ZNF442: variants seen among roughly 807,000 people sequenced by gnomAD.
ZNF442 encodes zinc finger protein 442.
Under a neutral mutation model 57.0 loss-of-function variants are expected in ZNF442, and 45 were observed. The ratio of observed to expected loss-of-function variants is 0.79; its 90% CI spans 0.62 to 1.01. The LOEUF is 1.01. Among genes scored for constraint, ZNF442 ranks in the 50% least tolerant of loss-of-function variants. The pLI is 0.00. For missense variants in ZNF442, 690 were observed against 756.5 expected (o/e 0.91, Z 1.03); for synonymous variants, 213 against 241.8 (o/e 0.88, Z 1.10).
rs1263601924 is a variant in ZNF442 at position 12,362,639 on chromosome 19, G to A, written c.78+915C>T. 1.2e-4 allele frequency among the ~76,000 whole-genome samples: 17 copies of A among 145,526 alleles called. No individual in the cohort carries two copies. The South Asian group carries it at 1.3e-3, about 12-fold the overall frequency. On this transcript the variant is annotated intron_variant, in intron 3 of 5. Coordinates refer to ENST00000242804, the MANE Select transcript of ZNF442 (RefSeq NM_030824.3). ...CCGCCCCCTCCGGGAGGTGGGGGGC[G>A]CCTCTGCCCGGCCGCCCCGTCTGGG...
chr19:12,358,548 C>T (rs1969374000), intron 3 of ZNF442, among the ~76,000 whole-genome samples: 1 of 152,106 alleles, frequency 6.6e-6, no homozygotes, highest in South Asian at 2.1e-4. Context: ...TGGATAGATA[C>T]CCAGTAGCAT....
At chr19:12,372,183 G>T in the ZNF442 span, among the ~76,000 whole-genome samples, 1 of 152,162 alleles carries the variant, frequency 6.6e-6, no homozygotes, top group East Asian at 1.9e-4. Flanking sequence ...GAGGCCGGGG[G>T]TGGAGGCTCA....
upstream of ZNF442, among the ~76,000 whole-genome samples, chr19:12,367,669 T>TTA (rs1969549280): frequency 6.6e-6 from 1 of 150,500 alleles, no homozygotes; most frequent in African/African-American, 2.5e-5. Context: ...ATTATTATTA[T>TTA]TATATATATT....
chr19:12,350,909 T>C lies in ZNF442; in HGVS notation c.676A>G (p.Met226Val). The part of the protein sequence containing the change: ...KAFFWPSLFR[M>V]HERTHTGEKP... ...TCTCCAGTGTGAGTTCTTTCATGCA[T>C]ACGAAATAAACTAGGCCAAAAAAAG... Residue 226 changes from methionine to valine, a missense_variant, in exon 6 of 6, where the codon ATG (methionine) becomes GTG (valine). Transcript: ENST00000242804. The C allele has an allele frequency of 6.2e-7, 1 of 1,614,196 alleles. No individual in the cohort carries two copies. The highest frequency in any genetic ancestry group is 1.1e-5 in the South Asian group (1 of 91,088).
intron 4 of ZNF442, 111 bp from the exon 5 acceptor site, chr19:12,352,181 G>C: frequency 9.8e-7 from 1 of 1,021,108 alleles, no homozygotes; most frequent in Non-Finnish European, 1.4e-6. Flanking sequence ...AATTGTAGCT[G>C]ACTCTTGAAC....
chr19:12,363,712 G>C (rs79044912), intron 2 of ZNF442, 41 bp from the exon 3 acceptor site: 775 of 1,301,840 alleles, frequency 6.0e-4, no homozygotes, highest in Non-Finnish European at 8.2e-4. Context: ...CCAAGGGTTA[G>C]CTTTTTATAG....
chr19:12,349,786 T>C lies in ZNF442; in HGVS notation c.1799A>G (p.His600Arg), dbSNP rs147003075. The C allele has an allele frequency of 1.5e-3, 2,424 of 1,614,152 alleles. 7 individuals are homozygous for C. Among genetic ancestry groups the C allele is most frequent in the Non-Finnish European group, 1.8e-3 (2,084 of 1,180,004 alleles). ...HEKTHTGEKM[H>R]ECKECGKALS... ...TGCCTTCCCACATTCCTTACATTCA[T>C]GCATCTTCTCTCCAGTGTGAGTTTT... Residue 600 changes from histidine to arginine, a missense_variant, in exon 6 of 6, where the codon CAT becomes CGT. Coordinates refer to ENST00000242804, the MANE Select transcript of ZNF442 (RefSeq NM_030824.3).
the ZNF442 span, among the ~76,000 whole-genome samples, chr19:12,372,976 G>A: frequency 6.6e-6 from 1 of 152,184 alleles, no homozygotes; most frequent in East Asian, 1.9e-4. Context: ...GTTTCACCAT[G>A]TTGGCCAGGA....
the ZNF442 span, among the ~76,000 whole-genome samples, chr19:12,373,445 G>A: frequency 6.6e-6 from 1 of 152,216 alleles, no homozygotes; most frequent in Non-Finnish European, 1.5e-5. Flanking sequence ...GGGAGGCTGA[G>A]GTGGGAGGAT....
At chr19:12,359,776 G>A (rs1259193787) in intron 3 of ZNF442, among the ~76,000 whole-genome samples, 4 of 151,914 alleles carry the variant, frequency 2.6e-5, no homozygotes, top group Admixed American at 6.6e-5. Flanking sequence ...TCAGGATATC[G>A]AGACCATCCT....
Position 12,355,681 on chromosome 19 carries a change from A to ATAAAGGCCGG in ZNF442, c.79-2577_79-2568dup, listed in dbSNP as rs147992010. ...GCCGAGGATTTTCTTAAGTAAGAAA[A>ATAAAGGCCGG]TAAAGGCCGGGCACGGTGGCTCACA... On this transcript the variant is annotated intron_variant, in intron 3 of 5. Coordinates refer to ENST00000242804, the MANE Select transcript of ZNF442 (RefSeq NM_030824.3). Among the ~76,000 whole-genome samples the ATAAAGGCCGG allele has an allele frequency of 9.8e-3, 1,476 of 151,014 alleles. 11 individuals carry two copies. Among genetic ancestry groups the ATAAAGGCCGG allele is most frequent in the Middle Eastern group, 0.021 (6 of 292 alleles).
At chr19:12,353,239 C>A (rs1969274236) in intron 3 of ZNF442, 125 bp from the exon 4 acceptor site, 3 of 1,022,460 alleles carry the variant, frequency 2.9e-6, no homozygotes, top group South Asian at 2.1e-5. Context: ...GTAAATCCAC[C>A]CTTATTCTCT....
chr19:12,357,197 T>C (rs78449643), intron 3 of ZNF442, among the ~76,000 whole-genome samples: 7,336 of 152,200 alleles, frequency 0.048, 589 homozygotes, highest in African/African-American at 0.17. Context: ...TTCCAATTTG[T>C]TTATTTTCTT....
upstream of ZNF442, among the ~76,000 whole-genome samples, chr19:12,369,688 G>A (rs1017235982): frequency 6.6e-6 from 1 of 151,958 alleles, no homozygotes; most frequent in African/African-American, 2.4e-5. Flanking sequence ...ACGAGGTCAG[G>A]AGATCGAGAC....
the ZNF442 span, among the ~76,000 whole-genome samples, chr19:12,371,073 TA>T: frequency 6.6e-6 from 1 of 151,968 alleles, no homozygotes; most frequent in Non-Finnish European, 1.5e-5. Context: ...ACTGGCCCAG[TA>T]ACAAAAGTAC....
At chr19:12,369,522 G>A (rs1287420222), upstream of ZNF442, among the ~76,000 whole-genome samples, 5 of 152,066 alleles carry the variant, frequency 3.3e-5, no homozygotes, top group African/African-American at 1.2e-4. Context: ...GGAGGCTGAG[G>A]CAAGAGAATC....
In ZNF442 at chr19:12,349,792, T is replaced by C; in HGVS notation, c.1793A>G (p.Lys598Arg). The change falls in exon 6 of 6, where the codon AAG (lysine) becomes AGG (arginine). Residue 598 changes from lysine to arginine, a missense_variant. Lys to Arg is a conservative substitution (Grantham distance 26). Coordinates refer to ENST00000242804, the MANE Select transcript of ZNF442 (RefSeq NM_030824.3). ...RGHEKTHTGE[K>R]MHECKECGKA... Reference sequence around the variant, plus strand: ...CCCACATTCCTTACATTCATGCATCTTCTCTCCAGTGTGAGTTTTTTCATG... The same window carrying C: ...CCCACATTCCTTACATTCATGCATCCTCTCTCCAGTGTGAGTTTTTTCATG... 6.2e-7 allele frequency: 1 copy of C among 1,614,210 alleles called. No individual in the cohort carries two copies. The highest frequency in any genetic ancestry group is 8.5e-7 in the Non-Finnish European group (1 of 1,180,020).
At chr19:12,360,200 C>T (rs1368958703) in intron 3 of ZNF442, among the ~76,000 whole-genome samples, 19 of 152,216 alleles carry the variant, frequency 1.2e-4, no homozygotes, top group Admixed American at 3.3e-4. Context: ...GATGCTTTCC[C>T]GTTTTGCAGT....
At chr19:12,371,464 G>A in the ZNF442 span, among the ~76,000 whole-genome samples, 479 of 152,148 alleles carry the variant, frequency 3.1e-3, 3 homozygotes, top group Non-Finnish European at 5.2e-3. Context: ...GGGTGCAGTG[G>A]GTCAAAGGTG....
Sources: allele counts gnomAD v4.1 joint callset (sites outside exome capture counted in the v4.1 genomes callset), GRCh38; gene constraint gnomAD v4.1.1; transcripts MANE v1.5; gene names NCBI Gene and HGNC (gene_info 2026-07-23, HGNC 2026-07-21).